Variants in MDGA2 observed in about 807,000 individuals in gnomAD.
MDGA2 encodes the protein MAM domain-containing glycosylphosphatidylinositol anchor protein 2.
A neutral mutation model predicts 117.8 loss-of-function variants in MDGA2; 40 were observed. The observed-to-expected ratio is 0.34, with a 90% confidence interval of 0.26 to 0.44. The LOEUF is 0.44. MDGA2 is among the 20% of genes least tolerant of loss of function. The pLI is 1.00. For synonymous variants in MDGA2, 452 were observed against 439.0 expected, an observed-to-expected ratio of 1.03 and a Z score of -0.37; for missense variants, 1,123 against 1,250.6, an observed-to-expected ratio of 0.90 and a Z score of 1.54.
intron 1 of MDGA2, among the ~76,000 whole-genome samples, chr14:47,544,204 T>C (rs1461325755): frequency 2.6e-5 from 4 of 152,190 alleles, no homozygotes; most frequent in African/African-American, 9.7e-5. Context: ...AGTCAAATTG[T>C]GTTCATGCCT....
chr14:47,335,734 T>TTTTATATATA (rs1255206359), intron 1 of MDGA2, among the ~76,000 whole-genome samples: 9 of 48,026 alleles, frequency 1.9e-4, no homozygotes, highest in Non-Finnish European at 3.4e-4. Context: ...CACATATATT[T>TTTTATATATA]TATATATATA....
chr14:47,599,585 T>C (rs1896609756), intron 1 of MDGA2, among the ~76,000 whole-genome samples: 1 of 152,156 alleles, frequency 6.6e-6, no homozygotes, highest in Non-Finnish European at 1.5e-5. Context: ...TTTGCCTCCA[T>C]TTCCCCCTTT....
intron 3 of MDGA2, among the ~76,000 whole-genome samples, chr14:47,161,248 A>T (rs546806722): frequency 6.6e-6 from 1 of 152,248 alleles, no homozygotes; most frequent in South Asian, 2.1e-4. Context: ...TTTTAAAAAA[A>T]TAATTACGGC....
intron 1 of MDGA2, among the ~76,000 whole-genome samples, chr14:47,522,129 A>T (rs1894880072): frequency 6.6e-6 from 1 of 152,204 alleles, no homozygotes; most frequent in Admixed American, 6.6e-5. Context: ...ACTAAAATTA[A>T]ACACATTAAC....
chr14:47,238,397 T>A (rs1406311618), intron 2 of MDGA2, among the ~76,000 whole-genome samples: 1 of 151,828 alleles, frequency 6.6e-6, no homozygotes, highest in Non-Finnish European at 1.5e-5. Context: ...TCACCTCCCT[T>A]CTATGACATG....
At chr14:46,937,284 A>G (rs1469023342) in intron 9 of MDGA2, among the ~76,000 whole-genome samples, 1 of 111,790 alleles carries the variant, frequency 8.9e-6, no homozygotes, top group Non-Finnish European at 2.0e-5. Flanking sequence ...GGAAAACTAT[A>G]AAATACTGGT....
At chr14:47,104,829 G>A (rs1158252326) in intron 5 of MDGA2, among the ~76,000 whole-genome samples, 2 of 151,978 alleles carry the variant, frequency 1.3e-5, no homozygotes, top group Non-Finnish European at 2.9e-5. Context: ...TTTCAAATCC[G>A]GTAAGCGGCC....
intron 1 of MDGA2, among the ~76,000 whole-genome samples, chr14:47,458,008 T>TA (rs1491241773): frequency 1.2e-3 from 32 of 25,680 alleles, no homozygotes; most frequent in African/African-American, 2.5e-3. Context: ...CTTCCCCATA[T>TA]TTTTTTTTTT....
chr14:47,459,763 T>G (rs1199764789), intron 1 of MDGA2, among the ~76,000 whole-genome samples: 1 of 152,276 alleles, frequency 6.6e-6, no homozygotes, highest in South Asian at 2.1e-4. Context: ...ATTAGTCTTA[T>G]CAAAATTGTT....
At chr14:47,106,564 C>A (rs1880695117) in intron 5 of MDGA2, among the ~76,000 whole-genome samples, 1 of 151,994 alleles carries the variant, frequency 6.6e-6, no homozygotes, top group Non-Finnish European at 1.5e-5. Flanking sequence ...CTGTTCAACT[C>A]ACCTGGCAGC....
At chr14:47,193,088 T>C (rs1363056355) in intron 3 of MDGA2, among the ~76,000 whole-genome samples, 1 of 151,290 alleles carries the variant, frequency 6.6e-6, no homozygotes, top group Non-Finnish European at 1.5e-5. Context: ...TTCCTAATCA[T>C]ACTTTAAGAC....
chr14:47,171,809 C>T (rs1884151387), intron 3 of MDGA2, among the ~76,000 whole-genome samples: 1 of 152,156 alleles, frequency 6.6e-6, no homozygotes, highest in Admixed American at 6.5e-5. Context: ...ACAGTGGGTG[C>T]AGCACACCAT....
chr14:47,398,543 G>C (rs960879127), intron 1 of MDGA2, among the ~76,000 whole-genome samples: 1 of 152,136 alleles, frequency 6.6e-6, no homozygotes, highest in Non-Finnish European at 1.5e-5. Flanking sequence ...CTTTATAAAT[G>C]ATAGTTATTG....
At chr14:47,459,573 CTTCT>C (rs1893439894) in intron 1 of MDGA2, among the ~76,000 whole-genome samples, 1 of 148,654 alleles carries the variant, frequency 6.7e-6, no homozygotes, top group Non-Finnish European at 1.5e-5. Flanking sequence ...TCCTTCCTTC[CTTCT>C]TTCCTGTTTT....
At chr14:47,059,214 G>A (rs1889791600) in intron 7 of MDGA2, 1 of 908,910 alleles carries the variant, frequency 1.1e-6, no homozygotes, top group South Asian at 1.4e-5. Flanking sequence ...GCCATGTATT[G>A]TTTCGGCTAT....
At chr14:46,877,631 C>T (rs1882285446) in intron 11 of MDGA2, 122 bp from the exon 12 acceptor site, 3 of 581,252 alleles carry the variant, frequency 5.2e-6, no homozygotes, top group East Asian at 6.3e-5. Context: ...AATGATCTTT[C>T]CCACTGTGGC....
intron 1 of MDGA2, among the ~76,000 whole-genome samples, chr14:47,363,789 A>G (rs1002931067): frequency 6.6e-6 from 1 of 152,126 alleles, no homozygotes; most frequent in Non-Finnish European, 1.5e-5. Context: ...GGAAGGAGAG[A>G]GAAATGAGGA....
At chr14:47,280,491 G>GTT (rs1333004563) in intron 2 of MDGA2, among the ~76,000 whole-genome samples, 1 of 151,950 alleles carries the variant, frequency 6.6e-6, no homozygotes, top group Non-Finnish European at 1.5e-5. Context: ...TTTTATAGGT[G>GTT]TTTTACTATG....
intron 1 of MDGA2, among the ~76,000 whole-genome samples, chr14:47,544,836 A>G (rs1895427706): frequency 6.6e-6 from 1 of 152,180 alleles, no homozygotes; most frequent in Admixed American, 6.5e-5. Flanking sequence ...TACAGGGCCA[A>G]TATGAAATAG....
Sources: allele counts gnomAD v4.1 joint callset (sites outside exome capture counted in the v4.1 genomes callset), GRCh38; gene constraint gnomAD v4.1.1; transcripts MANE v1.5; gene names NCBI Gene and HGNC (gene_info 2026-07-23, HGNC 2026-07-21).